Variants in PARD3B observed in about 807,000 individuals in gnomAD.
PARD3B encodes the protein partitioning defective 3 homolog B.
Under a neutral mutation model 130.2 loss-of-function variants are expected in PARD3B, and 103 were observed. The ratio of observed to expected loss-of-function variants is 0.79; its 90% confidence interval spans 0.67 to 0.93. The LOEUF (loss-of-function observed/expected upper bound fraction) is 0.93. Ranked by LOEUF, PARD3B falls within the 40% of genes least tolerant of loss-of-function variation. The pLI is 0.00. For missense variants in PARD3B, 1,609 were observed against 1,499.2 expected (o/e 1.07, Z -1.21); for synonymous variants, 583 against 553.2 (o/e 1.05, Z -0.76).
chr2:204,671,326 A>C (rs964834878), intron 1 of PARD3B, among the ~76,000 whole-genome samples: 6 of 152,102 alleles, frequency 3.9e-5, no homozygotes, highest in Non-Finnish European at 5.9e-5. Context: ...CAGAGATAAT[A>C]TCTCTTGCCT....
Position 205,258,125 on chromosome 2 carries a change from T to C in PARD3B, c.2185+12303T>C, listed in dbSNP as rs1301362807. ...AAACATAACAGATGCAATGGTACAC[T>C]TCCATGTGGGCCTGGAAAGCCTTAC... is the stretch of plus-strand genomic sequence containing the variant. On this transcript the variant is annotated intron_variant, in intron 16 of 22. Transcript: ENST00000406610. The surrounding 1 kb of genome is among the most constrained non-coding windows in gnomAD (Gnocchi z 4.9). 2.6e-5 allele frequency among the ~76,000 whole-genome samples: 4 copies of C among 152,166 alleles called. No homozygotes were observed. Among genetic ancestry groups the C allele is most frequent in the Admixed American group, 6.5e-5 (1 of 15,278 alleles).
intron 3 of PARD3B, among the ~76,000 whole-genome samples, chr2:204,990,629 CTGTG>C (rs1693580717): frequency 6.6e-6 from 1 of 151,796 alleles, no homozygotes; most frequent in Admixed American, 6.6e-5. Context: ...TTGTATCTGT[CTGTG>C]TGTGTATGTG....
chr2:205,395,613 C>T (rs1214654436), intron 18 of PARD3B, among the ~76,000 whole-genome samples: 1 of 152,120 alleles, frequency 6.6e-6, no homozygotes, highest in Non-Finnish European at 1.5e-5. Flanking sequence ...TAAATTGAAT[C>T]TTTTGATACC....
chr2:205,051,735 G>C (rs1699205845), intron 4 of PARD3B, among the ~76,000 whole-genome samples: 1 of 152,146 alleles, frequency 6.6e-6, no homozygotes. Flanking sequence ...ACATGCTGGA[G>C]TTTTAAAAAG....
intron 2 of PARD3B, among the ~76,000 whole-genome samples, chr2:204,858,120 G>A (rs370045798): frequency 2.3e-3 from 346 of 152,172 alleles, no homozygotes; most frequent in African/African-American, 7.7e-3. Context: ...ATAAGTTTAA[G>A]TATATATAAA....
At chr2:205,181,988 G>T (rs979626560) in intron 13 of PARD3B, among the ~76,000 whole-genome samples, 1 of 152,194 alleles carries the variant, frequency 6.6e-6, no homozygotes, top group Admixed American at 6.5e-5. Flanking sequence ...ATCTGAATAT[G>T]TTGTTTAAAA....
intron 19 of PARD3B, among the ~76,000 whole-genome samples, chr2:205,425,146 A>G (rs1181694243): frequency 6.6e-6 from 1 of 152,146 alleles, no homozygotes; most frequent in African/African-American, 2.4e-5. Flanking sequence ...GGGACTGTCT[A>G]GGATTGTTAT....
intron 3 of PARD3B, among the ~76,000 whole-genome samples, chr2:205,039,727 C>T (rs905431131): frequency 6.6e-6 from 1 of 152,020 alleles, no homozygotes; most frequent in African/African-American, 2.4e-5. Flanking sequence ...GCCTTGGTTT[C>T]CCAAAGTGTT....
Position 204,551,603 on chromosome 2 carries a change from A to C in PARD3B, c.120+5484A>C, listed in dbSNP as rs765544243. 1.0e-3 allele frequency among the ~76,000 whole-genome samples: 158 copies of C among 152,126 alleles called. 2 individuals carry two copies. The highest frequency in any genetic ancestry group is 1.2e-3 in the Admixed American group (19 of 15,274). ...ACATCCCCACACACCCTCTGTGTAT[A>C]ATCCATGCACATAGGGTTTGCTGAA... On this transcript the variant is annotated intron_variant, in intron 1 of 22. Transcript: ENST00000406610.
chr2:205,473,947 G>T lies in PARD3B; in HGVS notation c.3045-25949G>T, dbSNP rs1374676892. ...AACCTTTCTTGCCATGTGAAATTTA[G>T]AGTAACTCATATTGGTAGGTTTCAT... On this transcript the variant is annotated intron_variant, in intron 20 of 22. Coordinates refer to ENST00000406610, the MANE Select transcript of PARD3B (RefSeq NM_001302769.2). The surrounding 1 kb of genome is among the most constrained non-coding windows in gnomAD (Gnocchi z 4.9). Among the ~76,000 whole-genome samples, 1 of 151,364 alleles carries T rather than the reference G, an allele frequency of 6.6e-6. No homozygotes were observed. The highest frequency in any genetic ancestry group is 1.5e-5 in the Non-Finnish European group (1 of 67,812).
intron 18 of PARD3B, among the ~76,000 whole-genome samples, chr2:205,399,583 G>A (rs1424575392): frequency 3.3e-5 from 5 of 152,136 alleles, no homozygotes; most frequent in Admixed American, 3.3e-4. Context: ...TTGAACTCCT[G>A]ACCTCAGGTG....
chr2:205,382,625 A>T (rs1198528972), intron 18 of PARD3B, among the ~76,000 whole-genome samples: 1 of 152,024 alleles, frequency 6.6e-6, no homozygotes, highest in Non-Finnish European at 1.5e-5. Context: ...TGGTGTTTCA[A>T]TGGTGATTTC....
intron 18 of PARD3B, among the ~76,000 whole-genome samples, chr2:205,365,368 G>A (rs572728676): frequency 1.5e-5 from 2 of 129,040 alleles, no homozygotes; most frequent in East Asian, 2.2e-4. Flanking sequence ...GCAACAGAGC[G>A]AGACTCCGTC....
chr2:205,170,460 T>C (rs568269128), intron 11 of PARD3B, among the ~76,000 whole-genome samples: 1 of 152,310 alleles, frequency 6.6e-6, no homozygotes, highest in South Asian at 2.1e-4. Flanking sequence ...ACTTGACGCC[T>C]TTGTCTATTG....
intron 2 of PARD3B, among the ~76,000 whole-genome samples, chr2:204,706,366 C>CAAA (rs796492468): frequency 1.5e-4 from 13 of 87,242 alleles, no homozygotes; most frequent in Admixed American, 4.1e-4. Flanking sequence ...GACTCTGTCT[C>CAAA]AAAAAAAAAA....
chr2:205,429,457 C>A (rs1210012661), intron 19 of PARD3B, among the ~76,000 whole-genome samples: 2 of 152,094 alleles, frequency 1.3e-5, no homozygotes, highest in Admixed American at 6.6e-5. Flanking sequence ...CATTGTGCAA[C>A]CCCTAATGAA....
At chr2:204,888,036 A>G (rs1241714434) in intron 2 of PARD3B, among the ~76,000 whole-genome samples, 1 of 152,130 alleles carries the variant, frequency 6.6e-6, no homozygotes, top group Non-Finnish European at 1.5e-5. Flanking sequence ...GGGGTGCAGG[A>G]GAGAGGTGAG....
intron 2 of PARD3B, among the ~76,000 whole-genome samples, chr2:204,785,305 C>T (rs59827080): frequency 0.011 from 1,682 of 152,210 alleles, 35 homozygotes; most frequent in African/African-American, 0.039. Context: ...ATCTGTTCCC[C>T]GTGTAATCTG....
chr2:205,181,276 G>A (rs893901242), intron 13 of PARD3B, among the ~76,000 whole-genome samples: 16 of 152,146 alleles, frequency 1.1e-4, no homozygotes, highest in African/African-American at 3.9e-4. Flanking sequence ...GGACCAGCAT[G>A]TATCTACCCC....
Sources: allele counts gnomAD v4.1 joint callset (sites outside exome capture counted in the v4.1 genomes callset), GRCh38; gene constraint gnomAD v4.1.1; non-coding constraint Gnocchi (gnomAD v3.1); transcripts MANE v1.5; gene names NCBI Gene and HGNC (gene_info 2026-07-23, HGNC 2026-07-21).